The following KCNG2 variants were observed in gnomAD, a reference collection of about 807,000 sequenced individuals.
KCNG2 encodes potassium voltage-gated channel modifier subfamily G member 2.
A neutral mutation model predicts 12.3 loss-of-function variants in KCNG2; 7 were observed. The observed-to-expected ratio is 0.57, with a 90% CI of 0.32 to 1.07. The LOEUF is 1.07. KCNG2 is among the 50% of genes least tolerant of loss of function. The pLI, the probability that KCNG2 is intolerant of heterozygous loss-of-function variation, is 0.04. For synonymous variants in KCNG2, 414 were observed against 351.4 expected, an observed-to-expected ratio of 1.18 and a Z score of -1.99; for missense variants, 703 against 726.0, an observed-to-expected ratio of 0.97 and a Z score of 0.36.
intron 1 of KCNG2, among the ~76,000 whole-genome samples, chr18:79,821,800 A>G (rs2087572484): frequency 6.6e-6 from 1 of 152,230 alleles, no homozygotes; most frequent in Non-Finnish European, 1.5e-5. Flanking sequence ...GTCTGTCCAC[A>G]GGCCAGGCCA....
intron 2 of KCNG2, among the ~76,000 whole-genome samples, chr18:79,860,095 G>A (rs915203461): frequency 3.2e-4 from 49 of 152,212 alleles, no homozygotes; most frequent in Non-Finnish European, 6.8e-4. Context: ...GTTACATGGT[G>A]AAAGCAAGAA....
chr18:79,860,733 T>C (rs868012279), intron 2 of KCNG2, among the ~76,000 whole-genome samples: 39 of 152,188 alleles, frequency 2.6e-4, no homozygotes, highest in African/African-American at 9.2e-4. Context: ...TTTCTGTACA[T>C]AAGATCATAA....
intron 1 of KCNG2, among the ~76,000 whole-genome samples, chr18:79,836,018 C>T (rs189062889): frequency 6.6e-5 from 10 of 152,246 alleles, no homozygotes; most frequent in East Asian, 1.9e-4. Flanking sequence ...AAAGTCCTAA[C>T]ATACAAATAA....
intron 1 of KCNG2, among the ~76,000 whole-genome samples, chr18:79,838,428 T>C (rs1241803934): frequency 2.6e-5 from 4 of 151,898 alleles, no homozygotes; most frequent in East Asian, 3.8e-4. Context: ...TTTTTTTTTT[T>C]CCTGAGACAA....
intron 1 of KCNG2, among the ~76,000 whole-genome samples, chr18:79,828,914 G>C (rs1288841265): frequency 6.9e-6 from 1 of 145,516 alleles, no homozygotes; most frequent in East Asian, 2.1e-4. Flanking sequence ...GCATGTGTCT[G>C]TGTGTGTCTA....
At chr18:79,829,148 CTA>C (rs1434216497) in intron 1 of KCNG2, among the ~76,000 whole-genome samples, 84 of 133,364 alleles carry the variant, frequency 6.3e-4, no homozygotes, top group African/African-American at 2.1e-3. Context: ...GTGTGGGTGT[CTA>C]TGTGTGCGTG....
chr18:79,808,121 G>T (rs1431723113), intron 1 of KCNG2, among the ~76,000 whole-genome samples: 88 of 102,078 alleles, frequency 8.6e-4, no homozygotes, highest in African/African-American at 2.7e-3. Context: ...CCCAGAGTCC[G>T]CGCTCTGAGG....
At chr18:79,820,185 T>C (rs2087560753) in intron 1 of KCNG2, among the ~76,000 whole-genome samples, 1 of 152,238 alleles carries the variant, frequency 6.6e-6, no homozygotes. Context: ...GCTCTGAACG[T>C]CGGCGCTTGT....
intron 3 of KCNG2, among the ~76,000 whole-genome samples, chr18:79,887,861 G>A (rs978690732): frequency 6.6e-6 from 1 of 152,154 alleles, no homozygotes. Flanking sequence ...CAGCCCACCC[G>A]CCTTGAATGT....
intron 3 of KCNG2, among the ~76,000 whole-genome samples, chr18:79,882,031 C>A (rs555371220): frequency 2.0e-5 from 3 of 150,872 alleles, no homozygotes; most frequent in Non-Finnish European, 4.5e-5. Flanking sequence ...CCATGCCTTA[C>A]GTTTTATACA....
chr18:79,853,443 C>T (rs1334425316), intron 1 of KCNG2, among the ~76,000 whole-genome samples: 2 of 151,986 alleles, frequency 1.3e-5, no homozygotes, highest in Non-Finnish European at 2.9e-5. Context: ...AGGCCTGAGG[C>T]GGGACTCGCC....
At chr18:79,826,007 G>A (rs1001833789) in intron 1 of KCNG2, among the ~76,000 whole-genome samples, 4 of 152,242 alleles carry the variant, frequency 2.6e-5, no homozygotes, top group African/African-American at 9.6e-5. Flanking sequence ...GACCCCCATA[G>A]AGACGTGGGC....
chr18:79,836,481 G>A (rs1470737183), intron 1 of KCNG2, among the ~76,000 whole-genome samples: 1 of 152,156 alleles, frequency 6.6e-6, no homozygotes, highest in Non-Finnish European at 1.5e-5. Flanking sequence ...TCAACAAAAG[G>A]AGAATATTCC....
intron 3 of KCNG2, among the ~76,000 whole-genome samples, chr18:79,867,527 G>C (rs180992574): frequency 2.6e-5 from 3 of 115,870 alleles, no homozygotes; most frequent in Non-Finnish European, 5.4e-5. Context: ...TGTCGTGTCT[G>C]GGGGGGGACC....
chr18:79,884,424 G>T lies in KCNG2; in HGVS notation c.625-14616G>T, dbSNP rs905299243. Among the ~76,000 whole-genome samples, 3 of 152,182 alleles carry T rather than the reference G, an allele frequency of 2.0e-5. No individual in the cohort carries two copies. The highest frequency in any genetic ancestry group is 4.4e-5 in the Non-Finnish European group (3 of 68,018). On this transcript the variant is annotated intron_variant, in intron 3 of 3. Coordinates refer to ENST00000316249, the MANE Select transcript of KCNG2 (RefSeq NM_012283.2). The surrounding 1 kb of genome is among the most constrained non-coding windows in gnomAD (Gnocchi z 5.5). ...GGTGAGGGCGCCTCTGCTCAACCCCGGCCTGGCAGGGACTGGCTGGTTCCC... is the reference window on the plus strand; with the variant it reads ...GGTGAGGGCGCCTCTGCTCAACCCCTGCCTGGCAGGGACTGGCTGGTTCCC...
rs1235196413 is a variant in KCNG2, at chr18:79,863,814, C to T, written c.147C>T (p.Cys49=). Residue 49 remains cysteine (C), a synonymous_variant, in exon 3 of 4, where the codon TGC becomes TGT. Coordinates refer to ENST00000316249, the MANE Select transcript of KCNG2 (RefSeq NM_012283.2). Reference sequence around the variant, plus strand: ...CGCGCCTGGAGCGCCTGCGCGCCTGCCGCGGCCACGACGACCTGCTGCGCG... The same window carrying T: ...CGCGCCTGGAGCGCCTGCGCGCCTGTCGCGGCCACGACGACCTGCTGCGCG... ...PLARLERLRA[C]RGHDDLLRVC... 4 of 1,350,774 alleles carry T rather than the reference C, an allele frequency of 3.0e-6. No individual in the cohort carries two copies. The highest frequency in any genetic ancestry group is 1.6e-5 in the African/African-American group (1 of 64,180). 83.7% of individuals were successfully genotyped at this position (1,350,774 alleles called of 1,614,324 possible). A position where few individuals can be genotyped will look rare whatever the true frequency, so the allele number is the denominator to read the frequency against.
intron 1 of KCNG2, among the ~76,000 whole-genome samples, chr18:79,842,616 T>A (rs1978495371): frequency 6.6e-6 from 1 of 151,614 alleles, no homozygotes; most frequent in Non-Finnish European, 1.5e-5. Flanking sequence ...TAAACAAAAA[T>A]CAAGAAAATA....
chr18:79,885,062 A>AC (rs779733130), intron 3 of KCNG2, among the ~76,000 whole-genome samples: 58 of 151,992 alleles, frequency 3.8e-4, no homozygotes, highest in Non-Finnish European at 7.7e-4. Flanking sequence ...GAGACCACAG[A>AC]CCCCACCCTG....
Position 79,897,340 on chromosome 18 carries a change from C to G in KCNG2, c.625-1700C>G, listed in dbSNP as rs1022067475. Among the ~76,000 whole-genome samples, 7 of 152,160 alleles carry G rather than the reference C, an allele frequency of 4.6e-5. 1 individual carries two copies. The highest frequency in any genetic ancestry group is 3.3e-4 in the Admixed American group (5 of 15,276). ...AATTCTTTTCTCTGCCAGTTAAAAT[C>G]TACTTTTAAGCTTTTCTAGTGATTT... On this transcript the variant is annotated intron_variant, in intron 3 of 3. Coordinates refer to ENST00000316249, the MANE Select transcript of KCNG2 (RefSeq NM_012283.2).
Sources: allele counts gnomAD v4.1 joint callset (sites outside exome capture counted in the v4.1 genomes callset), GRCh38; gene constraint gnomAD v4.1.1; non-coding constraint Gnocchi (gnomAD v3.1); transcripts MANE v1.5; gene names NCBI Gene and HGNC (gene_info 2026-07-23, HGNC 2026-07-21).